Variants in MED13 observed in about 807,000 individuals in gnomAD.
MED13 encodes the protein mediator of RNA polymerase II transcription subunit 13.
In MED13, 23 loss-of-function variants were observed where a neutral mutation model predicts 225.2. The observed-to-expected ratio is 0.10, with a 90% CI of 0.07 to 0.14. MED13 has a LOEUF of 0.14. MED13 is among the 10% of genes least tolerant of loss of function. MED13 has a pLI of 1.00. For missense variants in MED13, 2,197 were observed against 2,594.5 expected (o/e 0.85, Z 3.33); for synonymous variants, 942 against 889.2 (o/e 1.06, Z -1.06).
chr17:61,982,559 G>C lies in MED13; in HGVS notation c.3444C>G (p.Ile1148Met), dbSNP rs1385891988. The C allele has an allele frequency of 3.7e-6, 6 of 1,614,034 alleles. No individual in the cohort carries two copies. The highest frequency in any genetic ancestry group is 5.1e-6 in the Non-Finnish European group (6 of 1,180,028). The change falls in exon 16 of 30, where the codon ATC (isoleucine) becomes ATG (methionine). Residue 1148 changes from isoleucine to methionine, a missense_variant. Coordinates refer to ENST00000397786, the MANE Select transcript of MED13 (RefSeq NM_005121.3). ...SGLFLEDELDIIGRNTDCGKE... is the reference protein window; with the variant it reads ...SGLFLEDELDMIGRNTDCGKE... ...TGCCACAGTCTGTATTGCGTCCTAT[G>C]ATATCTAGTTCATCTTCAAGAAATA...
chr17:62,000,166 CATTT>C (rs1156727860), intron 9 of MED13, among the ~76,000 whole-genome samples: 2 of 152,166 alleles, frequency 1.3e-5, no homozygotes, highest in African/African-American at 2.4e-5. Context: ...TCAATGGAAA[CATTT>C]ATTTACACCA....
intron 2 of MED13, among the ~76,000 whole-genome samples, chr17:62,059,587 C>G (rs1415138517): frequency 6.6e-6 from 1 of 152,178 alleles, no homozygotes; most frequent in Non-Finnish European, 1.5e-5. Context: ...CCTCCAGCAG[C>G]TGATGCTACC....
At chr17:62,025,753 A>G (rs145418036) in intron 8 of MED13, among the ~76,000 whole-genome samples, 2 of 152,340 alleles carry the variant, frequency 1.3e-5, no homozygotes, top group East Asian at 1.9e-4. Flanking sequence ...GCTGACCCCC[A>G]TTCTTATACA....
chr17:61,998,839 TCCTCCCATGTTTG>T (rs937203514), intron 9 of MED13, among the ~76,000 whole-genome samples: 114 of 151,638 alleles, frequency 7.5e-4, no homozygotes, highest in African/African-American at 2.7e-3. Flanking sequence ...GCTCAAGTGA[TCCTCCCATGTTTG>T]CCTCCCAAAG....
intron 2 of MED13, among the ~76,000 whole-genome samples, chr17:62,061,561 A>T (rs2081039321): frequency 6.6e-6 from 1 of 152,200 alleles, no homozygotes; most frequent in Non-Finnish European, 1.5e-5. Context: ...AATATATTTT[A>T]TCAATAGTTT....
chr17:62,065,232 G>T lies in MED13; in HGVS notation c.-27C>A. 7.2e-7 allele frequency: 1 copy of T among 1,397,084 alleles called. No individual in the cohort carries two copies. The highest frequency in any genetic ancestry group is 9.5e-7 in the Non-Finnish European group (1 of 1,056,618). 86.5% of individuals were successfully genotyped at this position (1,397,084 alleles called of 1,614,324 possible). A position where few individuals can be genotyped will look rare whatever the true frequency, so the allele number is the denominator to read the frequency against. On this transcript the variant is annotated 5_prime_UTR_variant, in exon 1 of 30. Transcript: ENST00000397786. ...GTCCCTCACAGCAGCCGCCGCCGGC[G>T]CCACAACCCACCATCCGCCATTACC...
intron 7 of MED13, 69 bp from the exon 8 acceptor site, chr17:62,029,720 A>G (rs1448443274): frequency 1.3e-6 from 2 of 1,530,062 alleles, no homozygotes; most frequent in Non-Finnish European, 1.8e-6. Context: ...TGTAGCATTG[A>G]AATTAATTTT....
intron 26 of MED13, among the ~76,000 whole-genome samples, chr17:61,953,696 G>T (rs1023214530): frequency 2.0e-5 from 3 of 152,222 alleles, no homozygotes; most frequent in East Asian, 1.9e-4. Context: ...TTCCAGAACT[G>T]TAAGATAAAA....
chr17:61,984,808 A>G lies in MED13; in HGVS notation c.2534T>C (p.Met845Thr), dbSNP rs766711474. ...ATTCATATTCATTGGGGAAAATCCC[A>G]TAATATGTTGTTCCAATGATGGTGG... Reference protein sequence around the residue: ...PTPPSLEQHIMGFSPMNMNNK... With the variant: ...PTPPSLEQHITGFSPMNMNNK... The change falls in exon 14 of 30, where the codon ATG becomes ACG. Residue 845 changes from methionine to threonine, a missense_variant. By Grantham distance (81) the Met-to-Thr change is moderately conservative. Coordinates refer to ENST00000397786, the MANE Select transcript of MED13 (RefSeq NM_005121.3). 13 of 1,613,564 alleles carry G rather than the reference A, an allele frequency of 8.1e-6. No homozygotes were observed. Among genetic ancestry groups the G allele is most frequent in the Non-Finnish European group, 1.1e-5 (13 of 1,179,716 alleles).
rs908019000 is a variant in MED13, at chr17:61,995,471, A to G, written c.1968-106T>C. The G allele has an allele frequency of 1.2e-5, 8 of 694,682 alleles. No individual in the cohort carries two copies. The African/African-American group carries it at 1.5e-4, about 13-fold the overall frequency. 43.0% of individuals were successfully genotyped at this position (694,682 alleles called of 1,614,324 possible). On this transcript the variant is annotated intron_variant, in intron 9 of 29. Coordinates refer to ENST00000397786, the MANE Select transcript of MED13 (RefSeq NM_005121.3). ...TTTAGAATTACTTAAAGATTATCTAACCTACAATCCCTTATTTCAGAAATG... is the reference window on the plus strand; with the variant it reads ...TTTAGAATTACTTAAAGATTATCTAGCCTACAATCCCTTATTTCAGAAATG...
intron 11 of MED13, among the ~76,000 whole-genome samples, chr17:61,991,778 G>C (rs1293275657): frequency 1.3e-5 from 2 of 152,148 alleles, no homozygotes. Flanking sequence ...AAAGTGCTGA[G>C]ATTACAGGTG....
At chr17:62,013,585 A>T (rs376706920) in intron 8 of MED13, among the ~76,000 whole-genome samples, 1 of 151,946 alleles carries the variant, frequency 6.6e-6, no homozygotes, top group African/African-American at 2.4e-5. Context: ...TTGATGTTTA[A>T]GCATGAATAA....
At position 62,052,629 on chromosome 17, in the gene MED13, T is replaced by A; in HGVS notation, c.378A>T (p.Leu126=). 6.2e-7 allele frequency: 1 copy of A among 1,604,786 alleles called. No individual in the cohort carries two copies. The highest frequency in any genetic ancestry group is 8.5e-7 in the Non-Finnish European group (1 of 1,174,670). Residue 126 remains leucine (L), a synonymous_variant, in exon 3 of 30, where the codon CTA becomes CTT. Coordinates refer to ENST00000397786, the MANE Select transcript of MED13 (RefSeq NM_005121.3). ...TCCTGTTCATTAAACACCGTTCCAATAGATTGTGAACTGCTTTGAAAAGCA... is the reference window on the plus strand; with the variant it reads ...TCCTGTTCATTAAACACCGTTCCAAAAGATTGTGAACTGCTTTGAAAAGCA... ...RTLLFKAVHN[L]LERCLMNRNF... is the part of the protein sequence containing the mutation.
At chr17:61,978,212 G>T (rs951744547) in intron 16 of MED13, among the ~76,000 whole-genome samples, 4 of 151,126 alleles carry the variant, frequency 2.6e-5, no homozygotes, top group Non-Finnish European at 5.9e-5. Flanking sequence ...CGAAATGGCA[G>T]GATCTCAGGC....
intron 16 of MED13, among the ~76,000 whole-genome samples, chr17:61,981,895 AAT>A (rs1413434001): frequency 6.6e-6 from 1 of 152,236 alleles, no homozygotes; most frequent in African/African-American, 2.4e-5. Context: ...GTAAATACTT[AAT>A]GAGTGAAAGA....
chr17:61,986,877 GGT>G, intron 12 of MED13, 128 bp downstream of exon 12: 1 of 476,588 alleles, frequency 2.1e-6, no homozygotes, highest in Non-Finnish European at 3.4e-6. Flanking sequence ...CAATGAATGA[GGT>G]TTTACTATAT....
intron 2 of MED13, among the ~76,000 whole-genome samples, chr17:62,053,754 TAC>T (rs1413640475): frequency 6.6e-6 from 1 of 152,138 alleles, no homozygotes; most frequent in African/African-American, 2.4e-5. Context: ...CAAAAATGCA[TAC>T]ACTATACCCA....
intron 2 of MED13, among the ~76,000 whole-genome samples, chr17:62,062,579 A>ACACACACACACACACACACACAC (rs2081047239): frequency 2.7e-5 from 3 of 109,498 alleles, no homozygotes; most frequent in Non-Finnish European, 6.0e-5. Context: ...ATGCCTTAAA[A>ACACACACACACACACACACACAC]CACACACACA....
At chr17:61,947,096 A>G (rs2057600389) in intron 28 of MED13, 79 bp from the exon 29 acceptor site, 1 of 937,948 alleles carries the variant, frequency 1.1e-6, no homozygotes, top group South Asian at 1.4e-5. Context: ...TTCTCCCAAT[A>G]TATCTTATAA....
Sources: gnomAD v4.1 joint callset for allele counts (sites outside exome capture counted in the v4.1 genomes callset) on GRCh38, gnomAD v4.1.1 for gene constraint, MANE v1.5 for transcripts, NCBI Gene and HGNC (gene_info 2026-07-23, HGNC 2026-07-21) for gene names.